Variants in GRIN2A observed in about 807,000 individuals in gnomAD.
GRIN2A encodes the protein glutamate receptor ionotropic, NMDA 2A.
In GRIN2A, 22 loss-of-function variants were observed where a neutral mutation model predicts 113.4. That is an observed-to-expected ratio of 0.19 (90% confidence interval 0.14 to 0.28). The LOEUF (loss-of-function observed/expected upper bound fraction) is 0.28, where lower values mean the gene tolerates loss of function less well. Among genes scored for constraint, GRIN2A ranks in the 10% least tolerant of loss-of-function variants. The pLI is 1.00. For synonymous variants in GRIN2A, 827 were observed against 738.4 expected, an observed-to-expected ratio of 1.12 and a Z score of -1.94; for missense variants, 1,502 against 1,887.0, an observed-to-expected ratio of 0.80 and a Z score of 3.78.
chr16:9,879,604 C>G (rs2043438526), intron 4 of GRIN2A, among the ~76,000 whole-genome samples: 1 of 152,102 alleles, frequency 6.6e-6, no homozygotes, highest in Non-Finnish European at 1.5e-5. Context: ...AGATTCTTGA[C>G]AATCACCATT....
rs1444482695 is a variant in GRIN2A at position 9,825,948 on chromosome 16, G to A, written c.2007+3475C>T. Among the ~76,000 whole-genome samples, 3 of 151,498 alleles carry A rather than the reference G, an allele frequency of 2.0e-5. No homozygotes were observed. The East Asian group carries it at 5.8e-4, about 29-fold the overall frequency. ...AAGCCAAGAATGGTTTGAGTCAGGC[G>A]ATGATGAAGATGATGGAAGGAGTAG... On this transcript the variant is annotated intron_variant, in intron 9 of 12. Transcript: ENST00000330684.
chr16:9,947,332 T>C (rs995031738), intron 2 of GRIN2A, among the ~76,000 whole-genome samples: 1 of 152,226 alleles, frequency 6.6e-6, no homozygotes, highest in Admixed American at 6.5e-5. Flanking sequence ...ACTTAAGACA[T>C]GACAAGTTGC....
intron 3 of GRIN2A, among the ~76,000 whole-genome samples, chr16:9,921,645 T>C (rs184028173): frequency 2.6e-5 from 4 of 152,354 alleles, no homozygotes; most frequent in South Asian, 4.1e-4. Context: ...ATTATCATTA[T>C]TGACTTATTC....
intron 2 of GRIN2A, among the ~76,000 whole-genome samples, chr16:10,068,734 T>C (rs540914014): frequency 1.8e-4 from 28 of 152,212 alleles, no homozygotes; most frequent in African/African-American, 6.5e-4. Context: ...CAAACCAAAC[T>C]AAGGTTAGTG....
At chr16:9,937,048 A>C (rs990768235) in intron 3 of GRIN2A, among the ~76,000 whole-genome samples, 1 of 152,080 alleles carries the variant, frequency 6.6e-6, no homozygotes, top group Admixed American at 6.5e-5. Context: ...AGATTATCAC[A>C]GCTGTTTAGC....
chr16:9,800,081 TC>T (rs746384780), intron 10 of GRIN2A, among the ~76,000 whole-genome samples: 8 of 152,104 alleles, frequency 5.3e-5, no homozygotes, highest in Middle Eastern at 6.8e-3. Flanking sequence ...TTCAAGTGAT[TC>T]TTGTGCCTCA....
At position 9,992,384 on chromosome 16, in the gene GRIN2A, T is replaced by C. The variant is rs141176803; in HGVS notation, c.415-53833A>G. On this transcript the variant is annotated intron_variant, in intron 2 of 12. Coordinates refer to ENST00000330684, the MANE Select transcript of GRIN2A (RefSeq NM_001134407.3). ...GATGGAACAGGGAAGACAGATTCTA[T>C]TTGCTCAGCAGAAAAGGCCAACTTC... 7.0e-4 allele frequency among the ~76,000 whole-genome samples: 106 copies of C among 152,310 alleles called. 2 individuals are homozygous for C. In the East Asian group the frequency reaches 0.02, roughly 29 times the overall value.
At chr16:9,849,186 TA>T (rs1402085666) in intron 5 of GRIN2A, among the ~76,000 whole-genome samples, 2 of 142,700 alleles carry the variant, frequency 1.4e-5, no homozygotes, top group Non-Finnish European at 1.5e-5. Context: ...TTTATATATT[TA>T]AATATATAAA....
At chr16:9,952,527 C>G (rs897040963) in intron 2 of GRIN2A, among the ~76,000 whole-genome samples, 10 of 152,092 alleles carry the variant, frequency 6.6e-5, no homozygotes, top group African/African-American at 2.4e-4. Context: ...GAGGGTAGGT[C>G]CATGCCTCTC....
intron 10 of GRIN2A, among the ~76,000 whole-genome samples, chr16:9,810,323 C>G (rs948918526): frequency 1.3e-5 from 2 of 152,170 alleles, no homozygotes; most frequent in Admixed American, 6.5e-5. Context: ...TGAGGACAGC[C>G]TCCACTGGCA....
intron 2 of GRIN2A, among the ~76,000 whole-genome samples, chr16:10,063,900 G>T (rs1470553505): frequency 6.6e-6 from 1 of 152,138 alleles, no homozygotes; most frequent in African/African-American, 2.4e-5. Context: ...GCTCCCCTGA[G>T]GAAGCTGCCA....
At chr16:9,817,259 CAGT>C (rs1036872439) in intron 10 of GRIN2A, among the ~76,000 whole-genome samples, 20 of 152,122 alleles carry the variant, frequency 1.3e-4, no homozygotes, top group Admixed American at 4.6e-4. Flanking sequence ...ACTTCTAAAA[CAGT>C]AGTTCTCAAA....
intron 2 of GRIN2A, among the ~76,000 whole-genome samples, chr16:10,174,622 C>CA (rs1175495814): frequency 1.3e-5 from 2 of 151,666 alleles, no homozygotes; most frequent in Admixed American, 6.6e-5. Flanking sequence ...ATTTATAACA[C>CA]AAAAAAACAG....
At position 10,165,684 on chromosome 16, in the gene GRIN2A, G is replaced by A. The variant is rs191079495; in HGVS notation, c.414+14314C>T. Among the ~76,000 whole-genome samples the A allele has an allele frequency of 3.5e-3, 382 of 107,902 alleles. 4 individuals are homozygous for A. Among genetic ancestry groups the A allele is most frequent in the African/African-American group, 0.013 (367 of 28,642 alleles). 70.8% of individuals were successfully genotyped at this position (107,902 alleles called of 152,430 possible). Reference sequence around the variant, plus strand: ...GAGAGAGAGAGAAGAGGAGAGGGGAGGGGAGGGGAGGGGAGAAAGGAGGGG... The same window carrying A: ...GAGAGAGAGAGAAGAGGAGAGGGGAAGGGAGGGGAGGGGAGAAAGGAGGGG... On this transcript the variant is annotated intron_variant, in intron 2 of 12. Transcript: ENST00000330684.
chr16:9,925,495 C>G (rs1315426248), intron 3 of GRIN2A, among the ~76,000 whole-genome samples: 1 of 152,154 alleles, frequency 6.6e-6, no homozygotes, highest in Non-Finnish European at 1.5e-5. Context: ...GGTACTCTCT[C>G]CTATGAAATC....
intron 4 of GRIN2A, among the ~76,000 whole-genome samples, chr16:9,851,467 G>A (rs995448888): frequency 6.6e-6 from 1 of 152,170 alleles, no homozygotes; most frequent in Admixed American, 6.5e-5. Context: ...AATAATGATG[G>A]CTAAAACAGA....
At chr16:9,942,248 A>G (rs1475279406) in intron 2 of GRIN2A, among the ~76,000 whole-genome samples, 2 of 152,132 alleles carry the variant, frequency 1.3e-5, no homozygotes, top group Non-Finnish European at 2.9e-5. Context: ...AATAGCTCCC[A>G]TAGGCCTACC....
At chr16:9,795,475 C>T (rs1473413883) in intron 11 of GRIN2A, among the ~76,000 whole-genome samples, 1 of 152,146 alleles carries the variant, frequency 6.6e-6, no homozygotes, top group Admixed American at 6.5e-5. Context: ...ATGGAGTAGC[C>T]ATTCTTTTAT....
intron 2 of GRIN2A, among the ~76,000 whole-genome samples, chr16:9,990,229 C>A (rs12933451): frequency 2.0e-5 from 3 of 151,904 alleles, no homozygotes; most frequent in African/African-American, 4.8e-5. Context: ...ATGTCCTTTC[C>A]AGCAGTATGG....
Sources: gnomAD v4.1 joint callset for allele counts (sites outside exome capture counted in the v4.1 genomes callset) on GRCh38, gnomAD v4.1.1 for gene constraint, MANE v1.5 for transcripts, NCBI Gene and HGNC (gene_info 2026-07-23, HGNC 2026-07-21) for gene names.